Variants in ADAMTS6 observed in about 807,000 individuals in gnomAD.
ADAMTS6 encodes A disintegrin and metalloproteinase with thrombospondin motifs 6.
ADAMTS6 carries 23 observed loss-of-function variants against 144.3 expected under a neutral mutation model. The observed-to-expected ratio is 0.16, with a 90% CI of 0.11 to 0.23. The LOEUF (loss-of-function observed/expected upper bound fraction) is 0.23. Ranked by LOEUF, ADAMTS6 falls within the 10% of genes least tolerant of loss-of-function variation. The pLI, the probability that ADAMTS6 is intolerant of heterozygous loss-of-function variation, is 1.00. For missense variants in ADAMTS6, 999 were observed against 1,379.6 expected (o/e 0.72, Z 4.37); for synonymous variants, 444 against 457.5 (o/e 0.97, Z 0.38).
At position 65,390,605 on chromosome 5, in the gene ADAMTS6, G is replaced by A. The variant is rs777862621; in HGVS notation, c.1074-56520C>T. Among the ~76,000 whole-genome samples, 45 of 152,266 alleles carry A rather than the reference G, an allele frequency of 3.0e-4. 1 individual carries two copies. The highest frequency in any genetic ancestry group is 6.3e-4 in the Non-Finnish European group (43 of 68,002). ...TCTAATTCTGCATATGTTCTAAAAG[G>A]AAAGACAATAGTTTAGGTCCTTTTT... On this transcript the variant is annotated intron_variant, in intron 7 of 24. Transcript: ENST00000381055.
intron 7 of ADAMTS6, among the ~76,000 whole-genome samples, chr5:65,435,728 C>A (rs778261570): frequency 1.3e-5 from 2 of 151,794 alleles, no homozygotes; most frequent in Non-Finnish European, 1.5e-5. Context: ...TGGGTTCGAG[C>A]GATTCTTCTG....
At chr5:65,446,416 T>C (rs1418213571) in intron 7 of ADAMTS6, among the ~76,000 whole-genome samples, 1 of 152,128 alleles carries the variant, frequency 6.6e-6, no homozygotes, top group Non-Finnish European at 1.5e-5. Flanking sequence ...AAGCAAACAG[T>C]CATGACCCCT....
chr5:65,481,653 AAAAGG>A lies in ADAMTS6; in HGVS notation c.-595_-591del, dbSNP rs1761214698. 1 of 152,232 alleles carries A rather than the reference AAAAGG, an allele frequency of 6.6e-6. No individual in the cohort carries two copies. The allele number at this position is 152,232 out of a possible 1,614,324, so 9.4% of individuals were successfully genotyped here. On this transcript the variant is annotated 5_prime_UTR_variant, in exon 1 of 25. Coordinates refer to ENST00000381055, the MANE Select transcript of ADAMTS6 (RefSeq NM_197941.4). ...CTTTCTCTCCCTCCCCACCCCCCAAAAAAGGAAAGGAAAAGAAAGAAAAGACGGGA... is the reference window on the plus strand; with the variant it reads ...CTTTCTCTCCCTCCCCACCCCCCAAAAAAGGAAAAGAAAGAAAAGACGGGA...
chr5:65,213,383 C>A (rs1756670674), intron 20 of ADAMTS6, among the ~76,000 whole-genome samples: 1 of 152,096 alleles, frequency 6.6e-6, no homozygotes, highest in South Asian at 2.1e-4. Flanking sequence ...GGCCCATGCC[C>A]ATAATCCCAG....
intron 20 of ADAMTS6, among the ~76,000 whole-genome samples, chr5:65,206,838 TCACACACACACACACA>T (rs147509641): frequency 1.4e-5 from 2 of 145,048 alleles, no homozygotes; most frequent in Non-Finnish European, 3.0e-5. Context: ...TCTCTCTCTC[TCACACACACACACACA>T]CACACACACA....
Position 65,273,246 on chromosome 5 carries a change from T to C in ADAMTS6, c.1620+94A>G, listed in dbSNP as rs905908013. The C allele has an allele frequency of 2.9e-6, 3 of 1,030,822 alleles. No individual in the cohort carries two copies. In the African/African-American group the frequency reaches 4.7e-5, roughly 16 times the overall value. 63.9% of individuals were successfully genotyped at this position (1,030,822 alleles called of 1,614,324 possible). A position where few individuals can be genotyped will look rare whatever the true frequency, so the allele number is the denominator to read the frequency against. On this transcript the variant is annotated intron_variant, in intron 12 of 24. Transcript: ENST00000381055. The stretch of plus-strand genomic sequence containing the variant: ...TAATTATTTTCAAGTAGATTTTAAA[T>C]GAATATATAAGACTTCCTGGTGGTT...
intron 1 of ADAMTS6, among the ~76,000 whole-genome samples, chr5:65,478,340 C>G (rs1760979078): frequency 6.6e-6 from 1 of 151,730 alleles, no homozygotes; most frequent in Admixed American, 6.6e-5. Context: ...AAATACCAAA[C>G]AGTTGTCCAA....
chr5:65,334,036 A>AG lies in ADAMTS6; in HGVS notation c.1117+5_1117+6insC, dbSNP rs752614252. The AG allele has an allele frequency of 7.0e-7, 1 of 1,438,076 alleles. No individual in the cohort carries two copies. Among genetic ancestry groups the AG allele is most frequent in the Non-Finnish European group, 9.1e-7 (1 of 1,097,498 alleles). The allele number at this position is 1,438,076 out of a possible 1,614,324, so 89.1% of individuals were successfully genotyped here. ...AAAAAAAAAAAAAAAACCAAAAAAAACTTACCCAGTGTTCCACAGGGCTTA... is the reference window on the plus strand; with the variant it reads ...AAAAAAAAAAAAAAAACCAAAAAAAAGCTTACCCAGTGTTCCACAGGGCTTA... On this transcript the variant is annotated splice_donor_region_variant and intron_variant, in intron 8 of 24. Coordinates refer to ENST00000381055, the MANE Select transcript of ADAMTS6 (RefSeq NM_197941.4).
At chr5:65,233,560 A>T (rs1402543382) in intron 15 of ADAMTS6, among the ~76,000 whole-genome samples, 1 of 152,162 alleles carries the variant, frequency 6.6e-6, no homozygotes, top group Non-Finnish European at 1.5e-5. Flanking sequence ...TAAGATAGAA[A>T]TTAAGAAAAC....
At chr5:65,229,963 T>G (rs1315199595) in intron 15 of ADAMTS6, among the ~76,000 whole-genome samples, 1 of 151,992 alleles carries the variant, frequency 6.6e-6, no homozygotes, top group African/African-American at 2.4e-5. Flanking sequence ...CACATTATAA[T>G]TAAACTGTCA....
intron 7 of ADAMTS6, among the ~76,000 whole-genome samples, chr5:65,377,513 C>A (rs1203815768): frequency 1.3e-5 from 2 of 152,074 alleles, no homozygotes; most frequent in Non-Finnish European, 2.9e-5. Context: ...ATGATTTAGC[C>A]CCTTTTAAAA....
chr5:65,196,195 T>G (rs1296304614), intron 21 of ADAMTS6, among the ~76,000 whole-genome samples: 2 of 152,128 alleles, frequency 1.3e-5, no homozygotes, highest in Non-Finnish European at 2.9e-5. Context: ...GTCAGCAAAT[T>G]AAAGCCCTGA....
chr5:65,162,303 A>G (rs1752824682), intron 24 of ADAMTS6, among the ~76,000 whole-genome samples: 2 of 152,230 alleles, frequency 1.3e-5, no homozygotes, highest in African/African-American at 4.8e-5. Context: ...AGGCATGTCA[A>G]AAGGCAGTTC....
In ADAMTS6 at chr5:65,234,832, A is replaced by G. The variant is rs137887789; in HGVS notation, c.1933+7272T>C. On this transcript the variant is annotated intron_variant, in intron 15 of 24. Coordinates refer to ENST00000381055, the MANE Select transcript of ADAMTS6 (RefSeq NM_197941.4). ...CCATGTTCATTGAAGCATTATTCAC[A>G]TTAGTCAAGATATGGAAACAACCCA... 2.7e-3 allele frequency among the ~76,000 whole-genome samples: 417 copies of G among 152,360 alleles called. 2 individuals carry two copies. The highest frequency in any genetic ancestry group is 9.6e-3 in the African/African-American group (401 of 41,598).
At chr5:65,206,687 C>A (rs1756107271) in intron 20 of ADAMTS6, among the ~76,000 whole-genome samples, 3 of 124,162 alleles carry the variant, frequency 2.4e-5, no homozygotes, top group Admixed American at 9.0e-5. Flanking sequence ...GCAACAGAGC[C>A]AGACTCCATC....
chr5:65,442,434 G>A (rs568490464), intron 7 of ADAMTS6, among the ~76,000 whole-genome samples: 2 of 152,036 alleles, frequency 1.3e-5, no homozygotes, highest in East Asian at 1.9e-4. Context: ...AAAACTCCTA[G>A]TGCAGATGGC....
chr5:65,231,907 C>T (rs1372252708), intron 15 of ADAMTS6, among the ~76,000 whole-genome samples: 8 of 151,940 alleles, frequency 5.3e-5, no homozygotes, highest in African/African-American at 9.7e-5. Context: ...GTCAGGAGTT[C>T]GAGACCAGCC....
chr5:65,230,544 G>T (rs185343379), intron 15 of ADAMTS6, among the ~76,000 whole-genome samples: 1 of 29,908 alleles, frequency 3.3e-5, no homozygotes, highest in Admixed American at 4.3e-4. Context: ...TATAATACAT[G>T]ATATATATGA....
At chr5:65,248,218 T>C (rs1759804052) in intron 14 of ADAMTS6, among the ~76,000 whole-genome samples, 1 of 152,180 alleles carries the variant, frequency 6.6e-6, no homozygotes, top group Admixed American at 6.5e-5. Context: ...TAGTGGTCAA[T>C]GCCTGTAGTG....
Sources: gnomAD v4.1 joint callset for allele counts (sites outside exome capture counted in the v4.1 genomes callset) on GRCh38, gnomAD v4.1.1 for gene constraint, MANE v1.5 for transcripts, NCBI Gene and HGNC (gene_info 2026-07-23, HGNC 2026-07-21) for gene names.